The following AFDN variants were observed in gnomAD, a reference collection of about 807,000 sequenced individuals.
AFDN encodes afadin.
Under a neutral mutation model 216.6 loss-of-function variants are expected in AFDN, and 68 were observed. The ratio of observed to expected loss-of-function variants is 0.31; its 90% CI spans 0.26 to 0.38. AFDN has a LOEUF of 0.38. AFDN is among the 10% of genes least tolerant of loss of function. AFDN has a pLI of 1.00. For missense variants in AFDN, 2,136 were observed against 2,342.0 expected (o/e 0.91, Z 1.82); for synonymous variants, 868 against 853.7 (o/e 1.02, Z -0.29).
intron 13 of AFDN, 151 bp downstream of exon 13, chr6:167,907,440 G>A: frequency 1.6e-6 from 1 of 624,762 alleles, no homozygotes. Flanking sequence ...CTGTGTTATT[G>A]AATTGAAAGA....
intron 30 of AFDN, among the ~76,000 whole-genome samples, chr6:167,953,877 C>T (rs560006079): frequency 5.0e-4 from 76 of 152,286 alleles, no homozygotes; most frequent in African/African-American, 1.6e-3. Context: ...TCTTTTCCTT[C>T]GCTGCATTTT....
intron 15 of AFDN, 118 bp from the exon 16 acceptor site, chr6:167,913,285 T>C: frequency 2.1e-6 from 2 of 952,418 alleles, no homozygotes; most frequent in Non-Finnish European, 3.2e-6. Context: ...CATAACTAAA[T>C]GTCGTACCTT....
At chr6:167,863,540 G>A (rs1425628694) in intron 1 of AFDN, among the ~76,000 whole-genome samples, 1 of 152,230 alleles carries the variant, frequency 6.6e-6, no homozygotes, top group Non-Finnish European at 1.5e-5. Context: ...TGGATTCTGG[G>A]TGTATTTTGA....
At position 167,864,763 on chromosome 6, in the gene AFDN, A is replaced by T. The variant is rs113386737; in HGVS notation, c.301+17A>T. ...TCAGCGGAGGTCAGTGTATACAGGA[A>T]GGGTTTGCTAGAGGCATGACCTGAC... On this transcript the variant is annotated intron_variant, in intron 2 of 33. Transcript: ENST00000683244. 7.7e-4 allele frequency: 1,237 copies of T among 1,612,986 alleles called. 8 individuals are homozygous for T. The African/African-American group carries it at 0.015, about 19-fold the overall frequency.
Position 167,971,053 on chromosome 6 carries a change from A to G in AFDN, c.*1118A>G, listed in dbSNP as rs1797987585. 1 of 218,006 alleles carries G rather than the reference A, an allele frequency of 4.6e-6. No homozygotes were observed. Among genetic ancestry groups the G allele is most frequent in the South Asian group, 1.9e-4 (1 of 5,376 alleles). The allele number at this position is 218,006 out of a possible 1,614,324, so 13.5% of individuals were successfully genotyped here. ...AGTTACCACTGTCATTTCTTCAGCT[A>G]TGGATATGTGGCTGATGTTGGGGAG... On this transcript the variant is annotated 3_prime_UTR_variant, in exon 34 of 34. Transcript: ENST00000683244.
At chr6:167,944,118 A>G in intron 26 of AFDN, 59 bp downstream of exon 26, 3 of 1,334,752 alleles carry the variant, frequency 2.2e-6, no homozygotes, top group Non-Finnish European at 1.1e-6. Flanking sequence ...GAATGGTCAC[A>G]AAACCCCCAT....
rs190650432 is a variant in AFDN, at chr6:167,959,067, A to G, written c.4834-3366A>G. On this transcript the variant is annotated intron_variant, in intron 30 of 33. Transcript: ENST00000683244. Reference sequence around the variant, plus strand: ...AATACAAAGTTTGTATGATTGCGTAAAACAGTTGCCCTAAAAGAACTTCAA... The same window carrying G: ...AATACAAAGTTTGTATGATTGCGTAGAACAGTTGCCCTAAAAGAACTTCAA... Among the ~76,000 whole-genome samples, 4 of 152,374 alleles carry G rather than the reference A, an allele frequency of 2.6e-5. No individual in the cohort carries two copies. In the East Asian group the frequency reaches 7.7e-4, roughly 29 times the overall value.
At chr6:167,908,176 C>T (rs780351551) in intron 13 of AFDN, among the ~76,000 whole-genome samples, 25 of 152,354 alleles carry the variant, frequency 1.6e-4, no homozygotes, top group Middle Eastern at 6.8e-3. Context: ...GTCAGTGAGG[C>T]AGTTAGATGA....
chr6:167,966,297 C>A, intron 32 of AFDN: 1 of 1,464,428 alleles, frequency 6.8e-7, no homozygotes. Context: ...GACAAATCAG[C>A]TCTCTTTGTC....
At chr6:167,961,781 G>A (rs1359785483) in intron 30 of AFDN, among the ~76,000 whole-genome samples, 3 of 152,190 alleles carry the variant, frequency 2.0e-5, no homozygotes, top group Non-Finnish European at 2.9e-5. Context: ...CCCATCTCAG[G>A]TTCAGAGTCC....
chr6:167,866,752 G>A (rs185161173), intron 2 of AFDN, among the ~76,000 whole-genome samples: 7 of 152,256 alleles, frequency 4.6e-5, no homozygotes, highest in African/African-American at 1.2e-4. Context: ...ATGTGATGCC[G>A]ACAGAAGAGA....
chr6:167,953,702 C>T (rs913546066), intron 30 of AFDN, among the ~76,000 whole-genome samples: 1 of 152,156 alleles, frequency 6.6e-6, no homozygotes, highest in Non-Finnish European at 1.5e-5. Flanking sequence ...ACTCTGCATT[C>T]CCCTCCCCAT....
rs139902208 is a variant in AFDN at position 167,867,830 on chromosome 6, A to C, written c.302-2556A>C. On this transcript the variant is annotated intron_variant, in intron 2 of 33. Coordinates refer to ENST00000683244, the MANE Select transcript of AFDN (RefSeq NM_001386888.1). ...TACCTGGATAATCTTTGTCAACACTATTAGTAGTACTGTCAATATCATCAT... is the reference window on the plus strand; with the variant it reads ...TACCTGGATAATCTTTGTCAACACTCTTAGTAGTACTGTCAATATCATCAT... 2.5e-3 allele frequency among the ~76,000 whole-genome samples: 387 copies of C among 152,280 alleles called. 4 individuals are homozygous for C. The highest frequency in any genetic ancestry group is 0.021 in the Admixed American group (320 of 15,300).
At chr6:167,964,043 A>G (rs777683683) in intron 31 of AFDN, 30 of 1,064,304 alleles carry the variant, frequency 2.8e-5, no homozygotes, top group Middle Eastern at 4.1e-4. Flanking sequence ...CACAGTGCAC[A>G]TGCAGAGAGG....
In AFDN at chr6:167,915,346, C is replaced by T; in HGVS notation, c.2478C>T (p.Ile826=). The T allele has an allele frequency of 6.2e-7, 1 of 1,614,258 alleles. No homozygotes were observed. Among genetic ancestry groups the T allele is most frequent in the Non-Finnish European group, 8.5e-7 (1 of 1,180,048 alleles). Residue 826 remains isoleucine, a synonymous_variant, in exon 19 of 34, where the codon ATC becomes ATT. Transcript: ENST00000683244. ...GCTCCCATTACTGGGGTGCGATTAT[C>T]CGTCAGCAGTTGGGCCATATTGAAG... ...GLCSHYWGAI[I]RQQLGHIEAW...
chr6:167,906,457 C>T (rs1430263058), intron 12 of AFDN, among the ~76,000 whole-genome samples: 1 of 152,022 alleles, frequency 6.6e-6, no homozygotes. Context: ...TACTTGTGCC[C>T]AGTTTCTGTA....
In AFDN at chr6:167,914,654, C is replaced by G. The variant is rs1476852306; in HGVS notation, c.2215C>G (p.His739Asp). 1 of 1,610,046 alleles carries G rather than the reference C, an allele frequency of 6.2e-7. No homozygotes were observed. Among genetic ancestry groups the G allele is most frequent in the South Asian group, 1.1e-5 (1 of 90,966 alleles). Residue 739 changes from histidine to aspartate, a missense_variant, in exon 18 of 34, where the codon CAC becomes GAC. Physicochemically the swap from His to Asp is moderately conservative, Grantham distance 81 (BLOSUM62 -1). Transcript: ENST00000683244. ...LVQMAFKYLV[H>D]CLQSELNNYM... ...TCTATGTATTTTCAGATACTTGGTT[C>G]ACTGTCTTCAATCAGAACTTAATAA...
At chr6:167,957,243 C>T (rs945077808) in intron 30 of AFDN, among the ~76,000 whole-genome samples, 1 of 152,124 alleles carries the variant, frequency 6.6e-6, no homozygotes, top group Non-Finnish European at 1.5e-5. Flanking sequence ...GGCCCACTGG[C>T]CTCACTGTGT....
intron 22 of AFDN, among the ~76,000 whole-genome samples, chr6:167,924,312 C>T (rs931486448): frequency 1.3e-5 from 2 of 152,076 alleles, no homozygotes; most frequent in African/African-American, 4.8e-5. Flanking sequence ...TACTCTTTGG[C>T]GTATAGGAGT....
Sources: gnomAD v4.1 joint callset for allele counts (sites outside exome capture counted in the v4.1 genomes callset) on GRCh38, gnomAD v4.1.1 for gene constraint, MANE v1.5 for transcripts, NCBI Gene and HGNC (gene_info 2026-07-23, HGNC 2026-07-21) for gene names.